Variants in CEP43 observed in about 807,000 individuals in gnomAD.
CEP43 encodes the protein FGFR1 oncogene partner.
In CEP43, 36 loss-of-function variants were observed where a neutral mutation model predicts 52.6. The ratio of observed to expected loss-of-function variants is 0.68; its 90% CI spans 0.52 to 0.90. The LOEUF is 0.90. Ranked by LOEUF, CEP43 falls within the 40% of genes least tolerant of loss-of-function variation. The pLI, the probability that CEP43 is intolerant of heterozygous loss-of-function variation, is 0.00. For missense variants in CEP43, 506 were observed against 472.8 expected, an observed-to-expected ratio of 1.07 and a Z score of -0.65; for synonymous variants, 192 against 172.4, an observed-to-expected ratio of 1.11 and a Z score of -0.89.
chr6:167,007,418 C>G (rs914843614), intron 5 of CEP43, among the ~76,000 whole-genome samples: 1 of 152,112 alleles, frequency 6.6e-6, no homozygotes, highest in African/African-American at 2.4e-5. Flanking sequence ...TTTTACTCCC[C>G]CAAGTTGCTG....
At position 167,046,321 on chromosome 6, in the gene CEP43, A is replaced by C. The variant is rs1414326947; in HGVS notation, c.*6343A>C. On this transcript the variant is annotated 3_prime_UTR_variant, in exon 13 of 13. Transcript: ENST00000366847. ...GAAAGAAAGAAAGAGGAAGGAAGGA[A>C]GGGAGGGAGGGAGAGAAGGAGAAAG... 1 of 152,162 alleles carries C rather than the reference A, an allele frequency of 6.6e-6. No homozygotes were observed. Among genetic ancestry groups the C allele is most frequent in the Non-Finnish European group, 1.5e-5 (1 of 68,004 alleles). 9.4% of individuals were successfully genotyped at this position (152,162 alleles called of 1,614,324 possible).
At chr6:167,020,856 C>T (rs1453636748) in intron 7 of CEP43, among the ~76,000 whole-genome samples, 1 of 147,422 alleles carries the variant, frequency 6.8e-6, no homozygotes, top group Non-Finnish European at 1.5e-5. Context: ...TTGCAGTTAG[C>T]CCAGATTGCC....
At chr6:167,007,509 G>A (rs773462087) in intron 5 of CEP43, among the ~76,000 whole-genome samples, 20 of 152,004 alleles carry the variant, frequency 1.3e-4, no homozygotes, top group African/African-American at 3.9e-4. Flanking sequence ...TTAATAGTTT[G>A]TGCATATGTA....
chr6:167,010,115 A>G (rs1316612080), intron 5 of CEP43, among the ~76,000 whole-genome samples: 1 of 152,246 alleles, frequency 6.6e-6, no homozygotes, highest in African/African-American at 2.4e-5. Flanking sequence ...TTTTGTAACA[A>G]ACAGCCAGTA....
Position 167,044,460 on chromosome 6 carries a change from CT to C in CEP43, c.*4483del. On this transcript the variant is annotated 3_prime_UTR_variant, in exon 13 of 13. Transcript: ENST00000366847. ...GAGACTTGGCCAGAGGACCTCCAGG[CT>C]GACAAAGTTTCCCCGAGGAAGTCAG... 2 of 985,260 alleles carry C rather than the reference CT, an allele frequency of 2.0e-6. No individual in the cohort carries two copies. Among genetic ancestry groups the C allele is most frequent in the Non-Finnish European group, 2.4e-6 (2 of 829,836 alleles). The allele number at this position is 985,260 out of a possible 1,614,324, so 61.0% of individuals were successfully genotyped here. A position where few individuals can be genotyped will look rare whatever the true frequency, so the allele number is the denominator to read the frequency against.
Position 167,034,859 on chromosome 6 carries a change from A to G in CEP43, c.1125+888A>G, listed in dbSNP as rs552115586. 2.0e-5 allele frequency among the ~76,000 whole-genome samples: 3 copies of G among 151,612 alleles called. No homozygotes were observed. In the East Asian group the frequency reaches 5.8e-4, roughly 29 times the overall value. ...TTTTGAAGGTTAAATGATAATATAT[A>G]AAGCACTTCTCTAATTCCTGATGTA... On this transcript the variant is annotated intron_variant, in intron 12 of 12. Transcript: ENST00000366847.
Position 167,042,274 on chromosome 6 carries a change from A to G in CEP43, c.*2296A>G. ...TGCATGTGATGAGTGTTTTCTGTTA[A>G]AAAATAAATATTGAAATATTAACCC... On this transcript the variant is annotated 3_prime_UTR_variant, in exon 13 of 13. Transcript: ENST00000366847. 9.9e-7 allele frequency: 1 copy of G among 1,005,250 alleles called. No individual in the cohort carries two copies. Among genetic ancestry groups the G allele is most frequent in the Non-Finnish European group, 1.2e-6 (1 of 840,452 alleles). 62.3% of individuals were successfully genotyped at this position (1,005,250 alleles called of 1,614,324 possible). A position where few individuals can be genotyped will look rare whatever the true frequency, so the allele number is the denominator to read the frequency against.
intron 1 of CEP43, 110 bp from the exon 2 acceptor site, chr6:166,999,950 C>A: frequency 1.1e-6 from 1 of 876,768 alleles, no homozygotes; most frequent in South Asian, 1.5e-5. Context: ...GACCTTTGCA[C>A]CTGCCCTCCC....
intron 7 of CEP43, among the ~76,000 whole-genome samples, chr6:167,020,078 G>A (rs1207600456): frequency 1.3e-5 from 2 of 152,128 alleles, no homozygotes; most frequent in African/African-American, 2.4e-5. Flanking sequence ...TTAAAACAGT[G>A]TAAAAATCAG....
At chr6:167,008,223 G>A (rs1053508290) in intron 5 of CEP43, among the ~76,000 whole-genome samples, 2 of 150,544 alleles carry the variant, frequency 1.3e-5, no homozygotes, top group Admixed American at 6.6e-5. Context: ...CTCTTATTTC[G>A]TTATTCTATC....
In CEP43 at chr6:167,039,931, G is replaced by A. The variant is rs1780658774; in HGVS notation, c.1153G>A (p.Val385Ile). The A allele has an allele frequency of 6.2e-7, 1 of 1,613,516 alleles. No homozygotes were observed. Among genetic ancestry groups the A allele is most frequent in the Non-Finnish European group, 8.5e-7 (1 of 1,179,514 alleles). The stretch of plus-strand genomic sequence containing the variant: ...TGATGACCTCACACAAGATCTGACT[G>A]TATCCCAGCTCAGTGATGTTGCGGA... ...KLDDLTQDLTVSQLSDVADYL... is the reference protein window; with the variant it reads ...KLDDLTQDLTISQLSDVADYL... Residue 385 changes from valine (V) to isoleucine (I), a missense_variant, in exon 13 of 13, where the codon GTA becomes ATA. Val to Ile is a conservative substitution (Grantham distance 29, BLOSUM62 3). Coordinates refer to ENST00000366847, the MANE Select transcript of CEP43 (RefSeq NM_007045.4).
At chr6:167,019,836 G>A (rs577238178) in intron 7 of CEP43, among the ~76,000 whole-genome samples, 1 of 151,770 alleles carries the variant, frequency 6.6e-6, no homozygotes, top group South Asian at 2.1e-4. Context: ...AGTTACATTG[G>A]CAGTGTGAAT....
chr6:167,025,586 T>G lies in CEP43; in HGVS notation c.919+692T>G, dbSNP rs375417266. Among the ~76,000 whole-genome samples the G allele has an allele frequency of 1.5e-4, 23 of 152,366 alleles. No individual in the cohort carries two copies. The East Asian group carries it at 3.1e-3, about 20-fold the overall frequency. On this transcript the variant is annotated intron_variant, in intron 9 of 12. Coordinates refer to ENST00000366847, the MANE Select transcript of CEP43 (RefSeq NM_007045.4). ...TTTCCTAAAGTAGATTCACTAAGAA[T>G]TTGCAGTATGCGTTTTGCATAATTG...
In CEP43 at chr6:167,022,259, A is replaced by AACACACAC. The variant is rs35327997; in HGVS notation, c.580-120_580-113dup. On this transcript the variant is annotated intron_variant, in intron 7 of 12. Transcript: ENST00000366847. ...AGTTCACGCTGCTGAGAGCTGCCCC[A>AACACACAC]ACACACACACACACACACACACACA... 3,311 of 544,068 alleles carry AACACACAC rather than the reference A, an allele frequency of 6.1e-3. 9 individuals are homozygous for AACACACAC. The highest frequency in any genetic ancestry group is 0.017 in the African/African-American group (834 of 50,214). The allele number at this position is 544,068 out of a possible 1,614,324, so 33.7% of individuals were successfully genotyped here. A position where few individuals can be genotyped will look rare whatever the true frequency, so the allele number is the denominator to read the frequency against.
intron 10 of CEP43, 72 bp from the exon 11 acceptor site, chr6:167,032,531 G>T: frequency 1.5e-6 from 2 of 1,366,172 alleles, no homozygotes; most frequent in Non-Finnish European, 2.0e-6. Flanking sequence ...TTTTTTTAAG[G>T]AAATGTGTGT....
intron 8 of CEP43, among the ~76,000 whole-genome samples, chr6:167,024,011 G>T (rs1780297053): frequency 1.3e-5 from 2 of 152,230 alleles, no homozygotes; most frequent in Admixed American, 6.5e-5. Context: ...ATAACAGCAT[G>T]TATGCTGACG....
At chr6:167,029,372 A>G (rs988696835) in intron 10 of CEP43, among the ~76,000 whole-genome samples, 1 of 152,246 alleles carries the variant, frequency 6.6e-6, no homozygotes, top group African/African-American at 2.4e-5. Flanking sequence ...AATGCTTGGG[A>G]CCAGAAGTAT....
rs1479470943 is a variant in CEP43 at position 167,024,857 on chromosome 6, C to G, written c.882C>G (p.Ser294Arg). 3 of 1,611,722 alleles carry G rather than the reference C, an allele frequency of 1.9e-6. No homozygotes were observed. Among genetic ancestry groups the G allele is most frequent in the Non-Finnish European group, 2.5e-6 (3 of 1,178,468 alleles). The change falls in exon 9 of 13, where the codon AGC becomes AGG. Residue 294 changes from serine (S) to arginine (R), a missense_variant. Coordinates refer to ENST00000366847, the MANE Select transcript of CEP43 (RefSeq NM_007045.4). Reference protein sequence around the residue: ...SDAPPLKSGLSSLAGAPSLKD... With the variant: ...SDAPPLKSGLRSLAGAPSLKD... ...CACCCCCCTTAAAAAGTGGACTCAGCTCCCTGGCGGGAGCCCCTTCTTTAA... is the reference window on the plus strand; with the variant it reads ...CACCCCCCTTAAAAAGTGGACTCAGGTCCCTGGCGGGAGCCCCTTCTTTAA...
In CEP43 at chr6:167,035,729, G is replaced by C. The variant is rs555345438; in HGVS notation, c.1125+1758G>C. ...CTACAGGCGCCTGCCACCACGCCCA[G>C]CTGATTTTTTGTATTTTTTTATAGA... is the stretch of plus-strand genomic sequence containing the variant. On this transcript the variant is annotated intron_variant, in intron 12 of 12. Transcript: ENST00000366847. Among the ~76,000 whole-genome samples, 532 of 152,202 alleles carry C rather than the reference G, an allele frequency of 3.5e-3. 5 individuals carry two copies. Among genetic ancestry groups the C allele is most frequent in the African/African-American group, 0.012 (486 of 41,542 alleles).
Sources: allele counts gnomAD v4.1 joint callset (sites outside exome capture counted in the v4.1 genomes callset), GRCh38; gene constraint gnomAD v4.1.1; transcripts MANE v1.5; gene names NCBI Gene and HGNC (gene_info 2026-07-23, HGNC 2026-07-21).